The following VIPR2 variants were observed in gnomAD, a reference collection of about 807,000 sequenced individuals.
VIPR2 encodes vasoactive intestinal polypeptide receptor 2.
A neutral mutation model predicts 58.0 loss-of-function variants in VIPR2; 48 were observed. The ratio of observed to expected loss-of-function variants is 0.83; its 90% CI spans 0.66 to 1.05. VIPR2 has a LOEUF of 1.05. Among genes scored for constraint, VIPR2 ranks in the 50% least tolerant of loss-of-function variants. VIPR2 has a pLI of 0.00. For missense variants in VIPR2, 534 were observed against 558.0 expected (o/e 0.96, Z 0.43); for synonymous variants, 243 against 235.2 (o/e 1.03, Z -0.30).
chr7:159,037,967 T>C (rs1297711441), intron 6 of VIPR2, among the ~76,000 whole-genome samples: 1 of 152,230 alleles, frequency 6.6e-6, no homozygotes, highest in Admixed American at 6.5e-5. Context: ...TGGGTGGATA[T>C]ACTTACATAT....
At chr7:159,064,727 T>C (rs1238070788) in intron 4 of VIPR2, among the ~76,000 whole-genome samples, 2 of 152,234 alleles carry the variant, frequency 1.3e-5, no homozygotes, top group Non-Finnish European at 2.9e-5. Flanking sequence ...TCCAGGGCCG[T>C]CTGCTGGCCC....
At position 159,031,907 on chromosome 7, in the gene VIPR2, C is replaced by G. The variant is rs769960776; in HGVS notation, c.1101+31G>C. 6.2e-7 allele frequency: 1 copy of G among 1,614,076 alleles called. No individual in the cohort carries two copies. Among genetic ancestry groups the G allele is most frequent in the East Asian group, 2.2e-5 (1 of 44,870 alleles). ...GAGATGGTCAGGCAGGACCCGCGCT[C>G]GGGGGAGGGCGGCCGCCTCCGCACA... On this transcript the variant is annotated intron_variant, in intron 11 of 12. Coordinates refer to ENST00000262178, the MANE Select transcript of VIPR2 (RefSeq NM_003382.5). This position sits in a 1 kb window ranked among gnomAD's most constrained non-coding sequence, Gnocchi z 4.0.
intron 4 of VIPR2, among the ~76,000 whole-genome samples, chr7:159,066,206 A>T (rs1245858239): frequency 6.9e-6 from 1 of 145,068 alleles, no homozygotes; most frequent in African/African-American, 2.6e-5. Flanking sequence ...CGCACCGTCC[A>T]TGGGATTGCA....
chr7:159,140,584 A>G (rs1168528699), intron 2 of VIPR2, among the ~76,000 whole-genome samples: 1 of 152,256 alleles, frequency 6.6e-6, no homozygotes, highest in African/African-American at 2.4e-5. Flanking sequence ...TACAGAGCTG[A>G]CACTGGAAAT....
In VIPR2 at chr7:159,030,470, AGT is replaced by A; in HGVS notation, c.*144_*145del. ...GACTCCAATTCCAGGTATGGGGTTT[AGT>A]GGACAACCAGCTTGACGGAGTCAGG... On this transcript the variant is annotated 3_prime_UTR_variant, in exon 13 of 13. Coordinates refer to ENST00000262178, the MANE Select transcript of VIPR2 (RefSeq NM_003382.5). The A allele has an allele frequency of 1.1e-5, 10 of 924,052 alleles. No homozygotes were observed. Among genetic ancestry groups the A allele is most frequent in the Non-Finnish European group, 1.5e-5 (10 of 652,364 alleles). 57.2% of individuals were successfully genotyped at this position (924,052 alleles called of 1,614,324 possible).
intron 2 of VIPR2, among the ~76,000 whole-genome samples, chr7:159,113,563 A>G (rs1240012384): frequency 3.3e-5 from 5 of 152,126 alleles, no homozygotes; most frequent in Admixed American, 3.3e-4. Flanking sequence ...CCCTGAGACC[A>G]CCTCAGTGCA....
At chr7:159,057,593 C>A (rs1039151482) in intron 5 of VIPR2, among the ~76,000 whole-genome samples, 13 of 152,140 alleles carry the variant, frequency 8.5e-5, no homozygotes, top group African/African-American at 3.1e-4. Flanking sequence ...GACATACTGG[C>A]AAACATTTCG....
chr7:159,108,380 C>T (rs149898592), intron 3 of VIPR2, among the ~76,000 whole-genome samples: 23 of 152,338 alleles, frequency 1.5e-4, no homozygotes, highest in African/African-American at 4.6e-4. Flanking sequence ...GCATAGCTCA[C>T]GTTTTTGTGA....
At chr7:159,120,607 G>T (rs570143661) in intron 2 of VIPR2, among the ~76,000 whole-genome samples, 1 of 152,178 alleles carries the variant, frequency 6.6e-6, no homozygotes, top group African/African-American at 2.4e-5. Context: ...ATCTCTGCCC[G>T]CTGGGAACAT....
chr7:159,061,484 TA>T (rs906979415), intron 4 of VIPR2, among the ~76,000 whole-genome samples: 2 of 150,284 alleles, frequency 1.3e-5, no homozygotes, highest in African/African-American at 4.9e-5. Context: ...CCCGTCTCCA[TA>T]AAAAAAATGG....
At chr7:159,108,467 G>A (rs1795858942) in intron 3 of VIPR2, among the ~76,000 whole-genome samples, 1 of 152,192 alleles carries the variant, frequency 6.6e-6, no homozygotes, top group African/African-American at 2.4e-5. Flanking sequence ...CCCAGACTTG[G>A]GGAAACACCA....
chr7:159,055,425 G>A (rs1276429038), intron 5 of VIPR2, among the ~76,000 whole-genome samples: 1 of 151,962 alleles, frequency 6.6e-6, no homozygotes, highest in East Asian at 1.9e-4. Context: ...ATTAGCAAAC[G>A]TTTAGCATAT....
chr7:159,037,500 C>T (rs1162210120), intron 6 of VIPR2, among the ~76,000 whole-genome samples: 1 of 152,236 alleles, frequency 6.6e-6, no homozygotes, highest in Non-Finnish European at 1.5e-5. Flanking sequence ...AAGCAGTGGA[C>T]CCACACCAGG....
intron 2 of VIPR2, among the ~76,000 whole-genome samples, chr7:159,125,238 C>T (rs1029839419): frequency 6.6e-6 from 1 of 152,166 alleles, no homozygotes; most frequent in Non-Finnish European, 1.5e-5. Flanking sequence ...CTCAGTGAAC[C>T]ACGGACATTT....
At chr7:159,039,669 A>G (rs1854196304) in intron 6 of VIPR2, among the ~76,000 whole-genome samples, 2 of 152,236 alleles carry the variant, frequency 1.3e-5, no homozygotes, top group Admixed American at 1.3e-4. Context: ...CCCTTCCACC[A>G]CGTGAGGACA....
At position 159,109,897 on chromosome 7, in the gene VIPR2, G is replaced by A. The variant is rs1231111823; in HGVS notation, c.174C>T (p.Asn58=). The change falls in exon 3 of 13, where the codon AAC becomes AAT. Residue 58 remains asparagine (N), a synonymous_variant. Transcript: ENST00000262178. The part of the protein sequence containing the change: ...KHKACSGVWD[N]ITCWRPANVG... ...CATTGGCAGGCCGCCAGCACGTGAT[G>A]TTGTCCCAGACGCCACTGCAGGCTG... is the stretch of plus-strand genomic sequence containing the variant. 1.9e-6 allele frequency: 3 copies of A among 1,613,826 alleles called. No individual in the cohort carries two copies. The highest frequency in any genetic ancestry group is 1.7e-6 in the Non-Finnish European group (2 of 1,180,052).
In VIPR2 at chr7:159,103,751, G is replaced by A. The variant is rs1858444616; in HGVS notation, c.357+6C>T. ...CTCACCACCGTAGCACCACGCAGGA[G>A]CCTACCTTGCTCTCATCCTCCGGGT... On this transcript the variant is annotated splice_donor_region_variant and intron_variant, in intron 4 of 12. Transcript: ENST00000262178. 6.2e-7 allele frequency: 1 copy of A among 1,612,866 alleles called. No individual in the cohort carries two copies. The highest frequency in any genetic ancestry group is 8.5e-7 in the Non-Finnish European group (1 of 1,178,934).
intron 3 of VIPR2, among the ~76,000 whole-genome samples, chr7:159,108,113 G>A (rs2129496190): frequency 6.6e-6 from 1 of 152,302 alleles, no homozygotes; most frequent in South Asian, 2.1e-4. Context: ...GTGTTCTGTA[G>A]ACCACAGAGC....
At position 159,070,233 on chromosome 7, in the gene VIPR2, G is replaced by A. The variant is rs532455898; in HGVS notation, c.358-11655C>T. On this transcript the variant is annotated intron_variant, in intron 4 of 12. Coordinates refer to ENST00000262178, the MANE Select transcript of VIPR2 (RefSeq NM_003382.5). ...ATAAGGCAATTTTTCCTGCTGTCCC[G>A]GGGTCAGATTCCAAGCAGCCGCCCC... is the stretch of plus-strand genomic sequence containing the variant. Among the ~76,000 whole-genome samples, 13 of 152,218 alleles carry A rather than the reference G, an allele frequency of 8.5e-5. No homozygotes were observed. The East Asian group carries it at 1.5e-3, about 18-fold the overall frequency.
Sources: gnomAD v4.1 joint callset for allele counts (sites outside exome capture counted in the v4.1 genomes callset) on GRCh38, gnomAD v4.1.1 for gene constraint, Gnocchi (gnomAD v3.1) non-coding constraint, MANE v1.5 for transcripts, NCBI Gene and HGNC (gene_info 2026-07-23, HGNC 2026-07-21) for gene names.